The following CNTN4 variants were observed in gnomAD, a reference collection of about 807,000 sequenced individuals.
The protein encoded by CNTN4 is contactin 4.
CNTN4 carries 77 observed loss-of-function variants against 122.5 expected under a neutral mutation model. The ratio of observed to expected loss-of-function variants is 0.63; its 90% CI spans 0.52 to 0.76. The LOEUF (loss-of-function observed/expected upper bound fraction) is 0.76. Among genes scored for constraint, CNTN4 ranks in the 30% least tolerant of loss-of-function variants. The pLI, the probability that CNTN4 is intolerant of heterozygous loss-of-function variation, is 0.00. For synonymous variants in CNTN4, 512 were observed against 447.0 expected (o/e 1.15, Z -1.83); for missense variants, 1,256 against 1,259.1 (o/e 1.00, Z 0.04).
chr3:2,894,045 T>G (rs1313734593), intron 10 of CNTN4, among the ~76,000 whole-genome samples: 3 of 152,164 alleles, frequency 2.0e-5, no homozygotes, highest in Non-Finnish European at 4.4e-5. Flanking sequence ...TTAGAAATAA[T>G]TAACATAAGA....
At chr3:2,956,760 T>C (rs2094803404) in intron 13 of CNTN4, among the ~76,000 whole-genome samples, 1 of 152,138 alleles carries the variant, frequency 6.6e-6, no homozygotes, top group Non-Finnish European at 1.5e-5. Flanking sequence ...ATAACTGCAA[T>C]TTTATACTCT....
chr3:2,232,435 T>C (rs540697806), intron 2 of CNTN4, among the ~76,000 whole-genome samples: 5 of 152,304 alleles, frequency 3.3e-5, no homozygotes, highest in Middle Eastern at 3.4e-3. Flanking sequence ...TTAAGATTTA[T>C]CAATGCTTAT....
rs189668540 is a variant in CNTN4, at chr3:2,226,871, T to G, written c.-144-112307T>G. ...ATGTGCCAGACATTGTTACAAGAAC[T>G]TTAAAAATATTAACTACTTTAATTT... On this transcript the variant is annotated intron_variant, in intron 2 of 24. Coordinates refer to ENST00000418658, the MANE Select transcript of CNTN4 (RefSeq NM_175607.3). Among the ~76,000 whole-genome samples the G allele has an allele frequency of 2.6e-3, 392 of 152,306 alleles. 3 individuals are homozygous for G. Among genetic ancestry groups the G allele is most frequent in the Non-Finnish European group, 4.5e-3 (304 of 68,018 alleles).
At chr3:2,361,456 A>G (rs2045134478) in intron 3 of CNTN4, among the ~76,000 whole-genome samples, 1 of 152,174 alleles carries the variant, frequency 6.6e-6, no homozygotes, top group African/African-American at 2.4e-5. Flanking sequence ...GGCCTGTACA[A>G]GAAAGAATCA....
At chr3:2,587,023 C>G (rs1238155222) in intron 4 of CNTN4, among the ~76,000 whole-genome samples, 2 of 152,106 alleles carry the variant, frequency 1.3e-5, no homozygotes, top group Non-Finnish European at 2.9e-5. Context: ...TTCAAACATG[C>G]CTTCAAACCC....
intron 3 of CNTN4, among the ~76,000 whole-genome samples, chr3:2,349,830 A>T (rs1349964161): frequency 6.6e-6 from 1 of 152,194 alleles, no homozygotes; most frequent in Non-Finnish European, 1.5e-5. Context: ...ATGTTGAAAC[A>T]ACCCGAAACA....
At chr3:2,666,201 T>C (rs2084151825) in intron 4 of CNTN4, among the ~76,000 whole-genome samples, 1 of 152,194 alleles carries the variant, frequency 6.6e-6, no homozygotes, top group African/African-American at 2.4e-5. Flanking sequence ...CCAATAAATA[T>C]GCTTCCTTTT....
intron 13 of CNTN4, among the ~76,000 whole-genome samples, chr3:2,977,367 C>A (rs959041877): frequency 6.6e-6 from 1 of 152,140 alleles, no homozygotes; most frequent in Non-Finnish European, 1.5e-5. Context: ...GTAGTTTAAT[C>A]CAACCAACAA....
At chr3:2,549,763 C>A (rs1447784801) in intron 3 of CNTN4, among the ~76,000 whole-genome samples, 1 of 152,110 alleles carries the variant, frequency 6.6e-6, no homozygotes, top group Non-Finnish European at 1.5e-5. Flanking sequence ...GGAATAGTTT[C>A]AGAAAGAATG....
chr3:2,437,346 A>C (rs2048291778), intron 3 of CNTN4, among the ~76,000 whole-genome samples: 1 of 152,172 alleles, frequency 6.6e-6, no homozygotes, highest in Admixed American at 6.5e-5. Flanking sequence ...TGTATAATAA[A>C]ATAATATCTA....
chr3:2,433,440 G>C (rs781364395), intron 3 of CNTN4, among the ~76,000 whole-genome samples: 1 of 152,172 alleles, frequency 6.6e-6, no homozygotes, highest in Non-Finnish European at 1.5e-5. Flanking sequence ...CTACTTTAGA[G>C]AAGTGTCTAT....
At chr3:2,364,587 T>G (rs2045298196) in intron 3 of CNTN4, among the ~76,000 whole-genome samples, 1 of 151,992 alleles carries the variant, frequency 6.6e-6, no homozygotes, top group Non-Finnish European at 1.5e-5. Context: ...TTTAATCTAG[T>G]TGAGTCCCCG....
chr3:2,514,506 A>G (rs977445174), intron 3 of CNTN4, among the ~76,000 whole-genome samples: 2 of 152,118 alleles, frequency 1.3e-5, no homozygotes, highest in Non-Finnish European at 2.9e-5. Flanking sequence ...TGAATGAAAA[A>G]TAATTAATTT....
intron 4 of CNTN4, among the ~76,000 whole-genome samples, chr3:2,718,851 T>TA (rs1559424988): frequency 6.6e-6 from 1 of 152,178 alleles, no homozygotes; most frequent in African/African-American, 2.4e-5. Flanking sequence ...AATGTAGACA[T>TA]ATGCACATTC....
Position 2,887,319 on chromosome 3 carries a change from A to G in CNTN4, c.940+95A>G, listed in dbSNP as rs1553681627. On this transcript the variant is annotated intron_variant, in intron 10 of 24. Coordinates refer to ENST00000418658, the MANE Select transcript of CNTN4 (RefSeq NM_175607.3). ...GAGGCATTCAGGCATTTTGGGAGAG[A>G]TGGTGCAGAATAGGACTGTGTGAAA... 18 of 1,105,530 alleles carry G rather than the reference A, an allele frequency of 1.6e-5. No homozygotes were observed. In the South Asian group the frequency reaches 2.1e-4, roughly 13 times the overall value. 68.5% of individuals were successfully genotyped at this position (1,105,530 alleles called of 1,614,324 possible). A position where few individuals can be genotyped will look rare whatever the true frequency, so the allele number is the denominator to read the frequency against.
intron 5 of CNTN4, among the ~76,000 whole-genome samples, chr3:2,741,484 CT>C (rs1478570325): frequency 1.3e-5 from 2 of 152,170 alleles, no homozygotes; most frequent in Non-Finnish European, 2.9e-5. Flanking sequence ...TCTGAGGTCA[CT>C]TTTTAAAGCA....
chr3:2,661,438 T>G (rs1442265279), intron 4 of CNTN4, among the ~76,000 whole-genome samples: 1 of 152,052 alleles, frequency 6.6e-6, no homozygotes, highest in Non-Finnish European at 1.5e-5. Flanking sequence ...TTCCAAAACA[T>G]GCTCGATGGA....
At position 2,820,965 on chromosome 3, in the gene CNTN4, T is replaced by TC. The variant is rs1553649830; in HGVS notation, c.454+1384_454+1385insC. Among the ~76,000 whole-genome samples the TC allele has an allele frequency of 2.8e-5, 4 of 142,532 alleles. No homozygotes were observed. The East Asian group carries it at 8.0e-4, about 28-fold the overall frequency. 93.5% of individuals were successfully genotyped at this position (142,532 alleles called of 152,430 possible). A position where few individuals can be genotyped will look rare whatever the true frequency, so the allele number is the denominator to read the frequency against. The stretch of plus-strand genomic sequence containing the variant: ...CACATGCAACATTTTCTCTTTCTTT[T>TC]TTTTTTTTTTTTTTGAGACAGAGTC... On this transcript the variant is annotated intron_variant, in intron 7 of 24. Transcript: ENST00000418658.
At chr3:2,869,333 G>C (rs753039188) in intron 8 of CNTN4, among the ~76,000 whole-genome samples, 6 of 152,138 alleles carry the variant, frequency 3.9e-5, no homozygotes, top group African/African-American at 1.4e-4. Context: ...GTGAAACTAG[G>C]GGGTAACAGC....
Sources: allele counts gnomAD v4.1 joint callset (sites outside exome capture counted in the v4.1 genomes callset), GRCh38; gene constraint gnomAD v4.1.1; transcripts MANE v1.5; gene names NCBI Gene and HGNC (gene_info 2026-07-23, HGNC 2026-07-21).